AHNAK: variants seen among roughly 807,000 people sequenced by gnomAD.
The protein encoded by AHNAK is AHNAK nucleoprotein.
In AHNAK, 23 loss-of-function variants were observed where a neutral mutation model predicts 37.8. The ratio of observed to expected loss-of-function variants is 0.61; its 90% CI spans 0.44 to 0.86. The LOEUF is 0.86. AHNAK is among the 40% of genes least tolerant of loss of function. The pLI, the probability that AHNAK is intolerant of heterozygous loss-of-function variation, is 0.00. For missense variants in AHNAK, 7,411 were observed against 7,319.4 expected (o/e 1.01, Z -0.46); for synonymous variants, 2,481 against 2,636.3 (o/e 0.94, Z 1.80).
At chr11:62,450,394 T>A (rs1174048586) in intron 5 of AHNAK, among the ~76,000 whole-genome samples, 1 of 152,148 alleles carries the variant, frequency 6.6e-6, no homozygotes, top group East Asian at 1.9e-4. Context: ...GGTTTCACCA[T>A]GTTGGCCAGG....
chr11:62,516,477 CAA>C lies in AHNAK; in HGVS notation c.*265_*266del. 7.5e-7 allele frequency: 1 copy of C among 1,328,268 alleles called. No homozygotes were observed. The highest frequency in any genetic ancestry group is 9.6e-7 in the Non-Finnish European group (1 of 1,037,270). 82.3% of individuals were successfully genotyped at this position (1,328,268 alleles called of 1,614,324 possible). On this transcript the variant is annotated 3_prime_UTR_variant, in exon 5 of 5. Coordinates refer to ENST00000378024, the MANE Select transcript of AHNAK (RefSeq NM_001620.3). ...AAACAGGAGCTCTCAGCAGTCAATG[CAA>C]AAAAATATATATATATGAAATCTTA...
Position 62,521,592 on chromosome 11 carries a change from C to T in AHNAK, c.12825G>A (p.Val4275=). Residue 4275 remains valine, a synonymous_variant, in exon 5 of 5, where the codon GTG becomes GTA. Coordinates refer to ENST00000378024, the MANE Select transcript of AHNAK (RefSeq NM_001620.3). ...HLKGPKVKGD[V]DVSLPKVEGD... ...CTTCCACTTTAGGAAGGGAAACATC[C>T]ACATCACCCTTCACCTTGGGACCTT... 1.2e-6 allele frequency: 2 copies of T among 1,611,974 alleles called. No homozygotes were observed. Among genetic ancestry groups the T allele is most frequent in the South Asian group, 1.1e-5 (1 of 90,966 alleles).
intron 5 of AHNAK, among the ~76,000 whole-genome samples, chr11:62,487,517 C>T (rs538832908): frequency 7.9e-4 from 119 of 150,922 alleles, no homozygotes; most frequent in African/African-American, 2.7e-3. Flanking sequence ...GCGTAAGTGT[C>T]TTTTTTTTTT....
chr11:62,545,412 A>AGCGCCGCCAAGGGGCT (rs1199633920), intron 1 of AHNAK, among the ~76,000 whole-genome samples: 3 of 152,146 alleles, frequency 2.0e-5, no homozygotes, highest in Admixed American at 1.3e-4. Context: ...CCTCATGGTC[A>AGCGCCGCCAAGGGGCT]GCGCCGCCAA....
chr11:62,440,896 T>C (rs1310389970), intron 5 of AHNAK, among the ~76,000 whole-genome samples: 1 of 152,190 alleles, frequency 6.6e-6, no homozygotes, highest in Non-Finnish European at 1.5e-5. Context: ...CTGGGCACAG[T>C]GGCTCATGCC....
intron 4 of AHNAK, among the ~76,000 whole-genome samples, chr11:62,534,430 C>G (rs192467301): frequency 2.0e-4 from 31 of 152,348 alleles, no homozygotes; most frequent in Middle Eastern, 3.4e-3. Flanking sequence ...AACTCTCAAG[C>G]CACTGGCTTG....
chr11:62,523,489 G>A lies in AHNAK; in HGVS notation c.10928C>T (p.Pro3643Leu). ...ATCTGGACCTTCAATATTCACGTCT[G>A]GAACATCAACGTCTACATTGGGACC... ...ISGPNVDVDV[P>L]DVNIEGPDAK... Residue 3643 changes from proline to leucine, a missense_variant, in exon 5 of 5, where the codon CCA becomes CTA. Physicochemically the swap from Pro to Leu is moderately conservative, Grantham distance 98. Coordinates refer to ENST00000378024, the MANE Select transcript of AHNAK (RefSeq NM_001620.3). 6.2e-7 allele frequency: 1 copy of A among 1,613,884 alleles called. No individual in the cohort carries two copies. Among genetic ancestry groups the A allele is most frequent in the Middle Eastern group, 1.7e-4 (1 of 6,058 alleles).
Position 62,463,123 on chromosome 11 carries a change from C to CAAAAAA in AHNAK, c.442+28603_442+28608dup, listed in dbSNP as rs142849834. Among the ~76,000 whole-genome samples, 40 of 77,816 alleles carry CAAAAAA rather than the reference C, an allele frequency of 5.1e-4. No homozygotes were observed. The South Asian group carries it at 0.018, about 35-fold the overall frequency. The allele number at this position is 77,816 out of a possible 152,430, so 51.1% of individuals were successfully genotyped here. ...TGGGCGACAGAGCCAGACTCAGTCTCAAAAAAAAAAAAAAAAAAAAAAGAG... is the reference window on the plus strand; with the variant it reads ...TGGGCGACAGAGCCAGACTCAGTCTCAAAAAAAAAAAAAAAAAAAAAAAAAAAAGAG... On this transcript the variant is annotated intron_variant, in intron 5 of 5. Transcript: ENST00000257247.
At chr11:62,435,497 G>GC (rs1201781971) in intron 5 of AHNAK, among the ~76,000 whole-genome samples, 2 of 151,896 alleles carry the variant, frequency 1.3e-5, no homozygotes, top group East Asian at 1.9e-4. Context: ...TGCAGGCTCC[G>GC]CCCCCCGGGG....
rs1351518443 is a variant in AHNAK, at chr11:62,519,862, G to A, written c.14555C>T (p.Pro4852Leu). 6.2e-7 allele frequency: 1 copy of A among 1,614,132 alleles called. No individual in the cohort carries two copies. The highest frequency in any genetic ancestry group is 8.5e-7 in the Non-Finnish European group (1 of 1,180,008). ...TCCTTTCAAATCCAGGTCAACATCA[G>A]GTATGGAGATCTTGGGAGCTTTGAT... is the stretch of plus-strand genomic sequence containing the variant. ...INIKAPKISI[P>L]DVDLDLKGPK... The change falls in exon 5 of 5, where the codon CCT (proline) becomes CTT (leucine). Residue 4852 changes from proline (P) to leucine (L), a missense_variant. Coordinates refer to ENST00000378024, the MANE Select transcript of AHNAK (RefSeq NM_001620.3).
At position 62,531,112 on chromosome 11, in the gene AHNAK, T is replaced by C. The variant is rs959318519; in HGVS notation, c.3305A>G (p.Asp1102Gly). The C allele has an allele frequency of 2.5e-6, 4 of 1,614,060 alleles. No individual in the cohort carries two copies. The highest frequency in any genetic ancestry group is 3.4e-6 in the Non-Finnish European group (4 of 1,180,040). The change falls in exon 5 of 5, where the codon GAC (aspartate) becomes GGC (glycine). Residue 1102 changes from aspartate to glycine, a missense_variant. Transcript: ENST00000378024. ...AATATCTACCTTGGGACCTCTGATG[T>C]CCACATCTGGAACCTGCATTTCACC... Reference protein sequence around the residue: ...IEGEMQVPDVDIRGPKVDIKA... With the variant: ...IEGEMQVPDVGIRGPKVDIKA...
Position 62,524,100 on chromosome 11 carries a change from AT to A in AHNAK, c.10316del (p.Asn3439IlefsTer2), listed in dbSNP as rs765663576. On this transcript the variant is annotated frameshift_variant, in exon 5 of 5. Coordinates refer to ENST00000378024, the MANE Select transcript of AHNAK (RefSeq NM_001620.3). LOFTEE classifies it low-confidence loss of function (END_TRUNC). ...TGGGGCCTTTAAAGTCACCTTCTAA[AT>A]TGGGACCTGCAATATCTAAGTCTCC... is the stretch of plus-strand genomic sequence containing the variant. ...VKGDLDIAGP[N>X]LEGDFKGPKV... The A allele has an allele frequency of 6.2e-7, 1 of 1,614,120 alleles. No homozygotes were observed. Among genetic ancestry groups the A allele is most frequent in the Admixed American group, 1.7e-5 (1 of 60,006 alleles).
intron 4 of AHNAK, among the ~76,000 whole-genome samples, chr11:62,493,830 G>A (rs572115058): frequency 1.3e-5 from 2 of 152,064 alleles, no homozygotes; most frequent in African/African-American, 2.4e-5. Flanking sequence ...TCCCTGTTCC[G>A]AGCTTTCAGG....
intron 4 of AHNAK, among the ~76,000 whole-genome samples, 166 bp downstream of exon 4, chr11:62,534,837 G>A (rs966101730): frequency 3.3e-5 from 5 of 152,200 alleles, no homozygotes; most frequent in Admixed American, 6.5e-5. Flanking sequence ...ACACGAAAGC[G>A]GAAAGAAACA....
chr11:62,516,446 C>G lies in AHNAK; in HGVS notation c.*298G>C. On this transcript the variant is annotated 3_prime_UTR_variant, in exon 5 of 5. Transcript: ENST00000378024. ...TGAGGATAATAAACACAAAAGCTTG[C>G]TTAGTAAACAGGAGCTCTCAGCAGT... The G allele has an allele frequency of 7.9e-7, 1 of 1,271,850 alleles. No homozygotes were observed. The highest frequency in any genetic ancestry group is 1.0e-6 in the Non-Finnish European group (1 of 997,678). 78.8% of individuals were successfully genotyped at this position (1,271,850 alleles called of 1,614,324 possible). A position where few individuals can be genotyped will look rare whatever the true frequency, so the allele number is the denominator to read the frequency against.
In AHNAK at chr11:62,527,413, G is replaced by A. The variant is rs755127124; in HGVS notation, c.7004C>T (p.Pro2335Leu). 6.4e-5 allele frequency: 103 copies of A among 1,613,960 alleles called. No individual in the cohort carries two copies. The South Asian group carries it at 1.1e-3, about 17-fold the overall frequency. The change falls in exon 5 of 5, where the codon CCA becomes CTA. Residue 2335 changes from proline to leucine, a missense_variant. Coordinates refer to ENST00000378024, the MANE Select transcript of AHNAK (RefSeq NM_001620.3). ...ACCTTTTAACTCTCCCTCCAGCTTTGGGGCAGAAACATCAACATCTCCTTT... is the reference window on the plus strand; with the variant it reads ...ACCTTTTAACTCTCCCTCCAGCTTTAGGGCAGAAACATCAACATCTCCTTT... ...KIKGDVDVSA[P>L]KLEGELKGPE...
chr11:62,520,051 C>G lies in AHNAK; in HGVS notation c.14366G>C (p.Ser4789Thr). Residue 4789 changes from serine to threonine, a missense_variant, in exon 5 of 5, where the codon AGC becomes ACC. By Grantham distance (58) the Ser-to-Thr change is moderately conservative. Transcript: ENST00000378024. ...ACCTTCTCCTTTGAAGCCAGGCATG[C>G]TGAATTTGGGCATTTTCACCTTGGG... ...KMPKVKMPKF[S>T]MPGFKGEGPD... 1 of 1,613,128 alleles carries G rather than the reference C, an allele frequency of 6.2e-7. No individual in the cohort carries two copies.
chr11:62,517,477 C>T lies in AHNAK; in HGVS notation c.16940G>A (p.Gly5647Asp), dbSNP rs780039010. 5.0e-6 allele frequency: 8 copies of T among 1,614,036 alleles called. No individual in the cohort carries two copies. In the Admixed American group the frequency reaches 1.2e-4, roughly 24 times the overall value. ...APGLSVSGPQ[G>D]HLESGSGKVT... The stretch of plus-strand genomic sequence containing the variant: ...TTTTCCAGATCCACTTTCCAAGTGA[C>T]CTTGAGGCCCAGACACACTCAGCCC... The change falls in exon 5 of 5, where the codon GGT (glycine) becomes GAT (aspartate). Residue 5647 changes from glycine to aspartate, a missense_variant. By Grantham distance (94) the Gly-to-Asp change is moderately conservative (BLOSUM62 -1). Coordinates refer to ENST00000378024, the MANE Select transcript of AHNAK (RefSeq NM_001620.3).
rs1353204902 is a variant in AHNAK, at chr11:62,534,958, T to C, written c.342+45A>G. 5 of 1,578,714 alleles carry C rather than the reference T, an allele frequency of 3.2e-6. No homozygotes were observed. In the East Asian group the frequency reaches 9.1e-5, roughly 29 times the overall value. Reference sequence around the variant, plus strand: ...CAGGAGTGGGGTCAGCAGGCCGGCATGGCCGGGGGAGCTCAGGGCACAGAT... The same window carrying C: ...CAGGAGTGGGGTCAGCAGGCCGGCACGGCCGGGGGAGCTCAGGGCACAGAT... On this transcript the variant is annotated intron_variant, in intron 4 of 4. Coordinates refer to ENST00000378024, the MANE Select transcript of AHNAK (RefSeq NM_001620.3).
Sources: gnomAD v4.1 joint callset for allele counts (sites outside exome capture counted in the v4.1 genomes callset) on GRCh38, gnomAD v4.1.1 for gene constraint, MANE v1.5 for transcripts, NCBI Gene and HGNC (gene_info 2026-07-23, HGNC 2026-07-21) for gene names.